Variants in KLHDC4 observed in about 807,000 individuals in gnomAD.
KLHDC4 encodes kelch domain containing 4.
KLHDC4 carries 90 observed loss-of-function variants against 62.4 expected under a neutral mutation model. The observed-to-expected ratio is 1.44, with a 90% CI of 1.22 to 1.72. KLHDC4 has a LOEUF of 1.72. Among genes scored for constraint, KLHDC4 ranks in the 40% most tolerant of loss-of-function variants. The pLI is 0.00. For synonymous variants in KLHDC4, 386 were observed against 284.4 expected, an observed-to-expected ratio of 1.36 and a Z score of -3.59; for missense variants, 1,025 against 699.7, an observed-to-expected ratio of 1.47 and a Z score of -5.25.
At chr16:87,709,789 C>T (rs1487471917) in intron 9 of KLHDC4, 122 bp from the exon 10 acceptor site, 1 of 1,209,530 alleles carries the variant, frequency 8.3e-7, no homozygotes, top group Admixed American at 2.8e-5. Context: ...GAGTGTGTGA[C>T]CCAGGAAGGC....
In KLHDC4 at chr16:87,708,407, C is replaced by T. The variant is rs770547011; in HGVS notation, c.1507G>A (p.Ala503Thr). The T allele has an allele frequency of 5.2e-5, 84 of 1,611,814 alleles. No individual in the cohort carries two copies. In the South Asian group the frequency reaches 5.6e-4, roughly 11 times the overall value. ...TCTTCGTCGTCGACCCCACCCTCGG[C>T]GCCCTCAACCTCCTCACTGTCCTCT... ...SEEDSEEVEG[A>T]EGGVDDEDSG... The change falls in exon 11 of 12, where the codon GCC becomes ACC. Residue 503 changes from alanine to threonine, a missense_variant. By Grantham distance (58) the Ala-to-Thr change is moderately conservative. Coordinates refer to ENST00000270583, the MANE Select transcript of KLHDC4 (RefSeq NM_017566.4).
In KLHDC4 at chr16:87,726,842, G is replaced by C. The variant is rs1567715193; in HGVS notation, c.682C>G (p.Pro228Ala). Residue 228 changes from proline to alanine, a missense_variant, in exon 7 of 12, where the codon CCC becomes GCC. Pro to Ala is a conservative substitution (Grantham distance 27). Coordinates refer to ENST00000270583, the MANE Select transcript of KLHDC4 (RefSeq NM_017566.4). ...WSKLSPSGTGPTPRSGCQMSV... is the reference protein window; with the variant it reads ...WSKLSPSGTGATPRSGCQMSV... The stretch of plus-strand genomic sequence containing the variant: ...ATCTGGCAGCCTGATCTGGGTGTGG[G>C]CCCCGTCCCTGACGGGGACAGCTTG... The C allele has an allele frequency of 6.2e-7, 1 of 1,612,980 alleles. No homozygotes were observed. Among genetic ancestry groups the C allele is most frequent in the Admixed American group, 1.7e-5 (1 of 59,882 alleles).
downstream of KLHDC4, chr16:87,703,522 A>G (rs761307190): frequency 3.3e-5 from 5 of 152,274 alleles, no homozygotes; most frequent in Non-Finnish European, 5.9e-5. Flanking sequence ...GTGTGCGTTC[A>G]TGTAATTAAA....
At chr16:87,718,492 G>C (rs1285087775) in intron 7 of KLHDC4, among the ~76,000 whole-genome samples, 1 of 151,430 alleles carries the variant, frequency 6.6e-6, no homozygotes, top group Non-Finnish European at 1.5e-5. Context: ...GCCTCAGCCT[G>C]CTGAGTGCCT....
chr16:87,760,959 G>A (rs1243730045), intron 2 of KLHDC4, among the ~76,000 whole-genome samples: 1 of 152,052 alleles, frequency 6.6e-6, no homozygotes, highest in African/African-American at 2.4e-5. Flanking sequence ...CTTGAACCTG[G>A]GAGGCAGAGG....
intron 4 of KLHDC4, chr16:87,750,930 G>A (rs2043830383): frequency 6.6e-6 from 1 of 152,228 alleles, no homozygotes; most frequent in Non-Finnish European, 1.5e-5. Context: ...AGTTCCATAG[G>A]GAGAAACTGA....
chr16:87,710,136 A>C, intron 9 of KLHDC4: 1 of 160,736 alleles, frequency 6.2e-6, no homozygotes, highest in Non-Finnish European at 1.4e-5. Flanking sequence ...TTTACTACAA[A>C]CGGCGAGCCA....
At chr16:87,756,847 C>T (rs754321342) in intron 2 of KLHDC4, among the ~76,000 whole-genome samples, 4 of 151,638 alleles carry the variant, frequency 2.6e-5, no homozygotes, top group Non-Finnish European at 5.9e-5. Context: ...GAGTTTCCCT[C>T]TTGTCACCCA....
intron 7 of KLHDC4, among the ~76,000 whole-genome samples, chr16:87,717,690 G>A (rs529278628): frequency 1.3e-5 from 2 of 149,594 alleles, no homozygotes; most frequent in Non-Finnish European, 2.9e-5. Flanking sequence ...AAACCTAAGG[G>A]CCTAGCATTA....
intron 6 of KLHDC4, among the ~76,000 whole-genome samples, chr16:87,730,103 G>GCCA (rs1360048191): frequency 6.6e-6 from 1 of 152,134 alleles, no homozygotes; most frequent in African/African-American, 2.4e-5. Context: ...ACAGGCACCT[G>GCCA]CCACCACGCC....
chr16:87,734,036 T>C (rs1222289690), intron 5 of KLHDC4, among the ~76,000 whole-genome samples: 1 of 152,204 alleles, frequency 6.6e-6, no homozygotes, highest in Non-Finnish European at 1.5e-5. Flanking sequence ...AGCCCAGAAA[T>C]GGGCAGGTAC....
chr16:87,754,295 G>T lies in KLHDC4; in HGVS notation c.369+899C>A, dbSNP rs533002679. ...TGGGGGGCAGAGGTTGCAATGAGCC[G>T]AAATCAGGCCATTGCACTCCAGCCT... On this transcript the variant is annotated intron_variant, in intron 4 of 11. Coordinates refer to ENST00000270583, the MANE Select transcript of KLHDC4 (RefSeq NM_017566.4). Among the ~76,000 whole-genome samples, 4 of 152,058 alleles carry T rather than the reference G, an allele frequency of 2.6e-5. No homozygotes were observed. In the South Asian group the frequency reaches 6.2e-4, roughly 24 times the overall value.
chr16:87,698,487 CCATGAGACATGCACAG>C (rs1419672957), exon 1 of KLHDC4: 1 of 152,276 alleles, frequency 6.6e-6, no homozygotes, highest in Admixed American at 6.5e-5. Flanking sequence ...CACATTCACA[CCATGAGACATGCACAG>C]AGGCAGGTGT....
intron 6 of KLHDC4, among the ~76,000 whole-genome samples, chr16:87,728,120 G>C (rs543678784): frequency 6.6e-6 from 1 of 152,318 alleles, no homozygotes; most frequent in South Asian, 2.1e-4. Context: ...CTACGAGGTG[G>C]AGGCTACAGT....
intron 7 of KLHDC4, among the ~76,000 whole-genome samples, chr16:87,719,075 C>T (rs1295380493): frequency 1.3e-5 from 2 of 151,832 alleles, no homozygotes; most frequent in Non-Finnish European, 2.9e-5. Flanking sequence ...CCCGGCCAGC[C>T]GCCCCGTCTG....
At chr16:87,721,818 C>T (rs368835576) in intron 7 of KLHDC4, among the ~76,000 whole-genome samples, 161 of 152,354 alleles carry the variant, frequency 1.1e-3, no homozygotes, top group African/African-American at 3.6e-3. Context: ...GACCTCCAGG[C>T]GCACAATGAC....
chr16:87,754,469 C>T (rs767166744), intron 4 of KLHDC4, among the ~76,000 whole-genome samples: 24 of 152,274 alleles, frequency 1.6e-4, no homozygotes, highest in Non-Finnish European at 3.4e-4. Context: ...CCTCACCAAA[C>T]CAACTTCATT....
rs764297541 is a variant in KLHDC4 at position 87,711,396 on chromosome 16, G to C, written c.883C>G (p.Pro295Ala). The change falls in exon 9 of 12, where the codon CCA becomes GCA. Residue 295 changes from proline to alanine, a missense_variant. Pro to Ala is a conservative substitution (Grantham distance 27). Transcript: ENST00000270583. ...RMNPSGVKPTPRSGFSVAMAP... is the reference protein window; with the variant it reads ...RMNPSGVKPTARSGFSVAMAP... ...ATGGCCACGGAAAAGCCAGACCGTGGGGTGGGCTTGACCCCCGAAGGGTTC... is the reference window on the plus strand; with the variant it reads ...ATGGCCACGGAAAAGCCAGACCGTGCGGTGGGCTTGACCCCCGAAGGGTTC... 22 of 1,613,374 alleles carry C rather than the reference G, an allele frequency of 1.4e-5. No homozygotes were observed. The highest frequency in any genetic ancestry group is 1.7e-5 in the Non-Finnish European group (20 of 1,180,016).
At chr16:87,762,494 G>A (rs568159523) in intron 1 of KLHDC4, among the ~76,000 whole-genome samples, 10 of 152,216 alleles carry the variant, frequency 6.6e-5, no homozygotes, top group Non-Finnish European at 1.3e-4. Context: ...GGCCTGGGCC[G>A]TCACGCCTGC....
Sources: gnomAD v4.1 joint callset for allele counts (sites outside exome capture counted in the v4.1 genomes callset) on GRCh38, gnomAD v4.1.1 for gene constraint, MANE v1.5 for transcripts, NCBI Gene and HGNC (gene_info 2026-07-23, HGNC 2026-07-21) for gene names.